Variants in RTL4 observed in about 807,000 individuals in gnomAD.
RTL4 encodes retrotransposon Gag like 4, also known as retrotransposon Gag-like protein 4.
In RTL4, 4 loss-of-function variants were observed where a neutral mutation model predicts 5.3. The ratio of observed to expected loss-of-function variants is 0.75; its 90% confidence interval spans 0.37 to 1.72. The LOEUF is 1.72. Among genes scored for constraint, RTL4 ranks in the 40% most tolerant of loss-of-function variants. The probability of loss-of-function intolerance (pLI) is 0.04; values close to 1 mark genes in which losing one functional copy is unlikely to be tolerated. For missense variants in RTL4, 260 were observed against 227.1 expected, an observed-to-expected ratio of 1.14 and a Z score of -0.93; for synonymous variants, 98 against 87.3, an observed-to-expected ratio of 1.12 and a Z score of -0.68.
chrX:112,151,157 G>C, the RTL4 span, among the ~76,000 whole-genome samples: 1 of 112,220 alleles, frequency 8.9e-6, no homozygotes, highest in Non-Finnish European at 1.9e-5. Flanking sequence ...CCAGGTTCAG[G>C]CACACAAGAC....
At chrX:112,344,495 G>T in the RTL4 span, among the ~76,000 whole-genome samples, 1 of 111,263 alleles carries the variant, frequency 9.0e-6, no homozygotes, top group Non-Finnish European at 1.9e-5. Context: ...GCAAAAGGAA[G>T]AGCACAAAGG....
chrX:112,432,969 C>A, the RTL4 span, among the ~76,000 whole-genome samples: 2 of 111,255 alleles, frequency 1.8e-5, no homozygotes, highest in Admixed American at 9.5e-5. Flanking sequence ...GTTTTCCCAG[C>A]ACCATTTATT....
At chrX:112,191,812 T>C in the RTL4 span, among the ~76,000 whole-genome samples, 3 of 111,836 alleles carry the variant, frequency 2.7e-5, no homozygotes, top group Non-Finnish European at 5.6e-5. Context: ...GCAAACTTTA[T>C]CGAATCTGTA....
the RTL4 span, among the ~76,000 whole-genome samples, chrX:112,306,116 T>A: frequency 1.8e-5 from 2 of 111,602 alleles, no homozygotes; most frequent in South Asian, 7.6e-4. Flanking sequence ...CAAGTGTCAC[T>A]TGAGAGAGGA....
At chrX:112,117,672 G>GTC in the RTL4 span, among the ~76,000 whole-genome samples, 1 of 111,573 alleles carries the variant, frequency 9.0e-6, no homozygotes, top group Non-Finnish European at 1.9e-5. Flanking sequence ...AAAGAGAACA[G>GTC]CAGTATGTAG....
the RTL4 span, among the ~76,000 whole-genome samples, chrX:112,308,212 C>G: frequency 9.0e-6 from 1 of 111,053 alleles, no homozygotes; most frequent in Non-Finnish European, 1.9e-5. Flanking sequence ...AATCTACTAC[C>G]TAGCTGGAGG....
the RTL4 span, among the ~76,000 whole-genome samples, chrX:112,401,069 C>T: frequency 4.5e-5 from 5 of 112,088 alleles, no homozygotes; most frequent in South Asian, 3.7e-4. Context: ...CATTGTCTGA[C>T]GTCAAATATC....
chrX:112,291,606 C>CT, the RTL4 span, among the ~76,000 whole-genome samples: 43 of 105,613 alleles, frequency 4.1e-4, no homozygotes, highest in East Asian at 4.8e-3. Flanking sequence ...CCCTCTAGTT[C>CT]TTTTTTTTTT....
the RTL4 span, among the ~76,000 whole-genome samples, chrX:112,125,060 C>A: frequency 9.3e-6 from 1 of 107,429 alleles, no homozygotes; most frequent in Non-Finnish European, 1.9e-5. Context: ...GCCACCACAC[C>A]TGGCTAATTT....
the RTL4 span, among the ~76,000 whole-genome samples, chrX:112,230,220 G>C: frequency 8.9e-6 from 1 of 111,782 alleles, no homozygotes; most frequent in Non-Finnish European, 1.9e-5. Flanking sequence ...ACTCAAGCCT[G>C]AGCAATGGTG....
At chrX:112,367,203 A>C in the RTL4 span, among the ~76,000 whole-genome samples, 1 of 111,710 alleles carries the variant, frequency 9.0e-6, no homozygotes, top group Non-Finnish European at 1.9e-5. Flanking sequence ...GCAGATTAGA[A>C]GCAGAAAAAT....
At chrX:112,171,797 T>C in the RTL4 span, among the ~76,000 whole-genome samples, 1 of 112,147 alleles carries the variant, frequency 8.9e-6, no homozygotes, top group Non-Finnish European at 1.9e-5. Flanking sequence ...GACATAGGCA[T>C]GGGCAAAGAT....
chrX:112,305,868 G>T, the RTL4 span, among the ~76,000 whole-genome samples: 1 of 111,588 alleles, frequency 9.0e-6, no homozygotes, highest in Non-Finnish European at 1.9e-5. Flanking sequence ...GTTTGGTTTT[G>T]GTGGCCAGCT....
the RTL4 span, among the ~76,000 whole-genome samples, chrX:112,290,300 A>G: frequency 2.7e-5 from 3 of 112,031 alleles, no homozygotes; most frequent in African/African-American, 9.7e-5. Context: ...TCGTCTTCAG[A>G]GAAGGAAGCC....
chrX:112,449,139 A>G, the RTL4 span, among the ~76,000 whole-genome samples: 674 of 112,065 alleles, frequency 6.0e-3, 7 homozygotes, highest in African/African-American at 0.021. Flanking sequence ...ATTGACCCTC[A>G]GCTGGGCTGC....
the RTL4 span, among the ~76,000 whole-genome samples, chrX:112,238,691 T>A: frequency 4.5e-5 from 5 of 111,603 alleles, no homozygotes; most frequent in African/African-American, 1.6e-4. Context: ...AGTGATTTTT[T>A]ATTTTTTTTT....
At chrX:112,361,096 C>T in the RTL4 span, among the ~76,000 whole-genome samples, 10 of 111,900 alleles carry the variant, frequency 8.9e-5, no homozygotes, top group Admixed American at 1.9e-4. Context: ...AACACATACA[C>T]ACACACACAA....
the RTL4 span, among the ~76,000 whole-genome samples, chrX:112,327,942 A>C: frequency 1.4e-4 from 15 of 108,961 alleles, no homozygotes; most frequent in Admixed American, 1.1e-3. Flanking sequence ...AATACTTTAC[A>C]GACAAGCAAA....
At chrX:112,402,401 TGTGTGTGTG>T in the RTL4 span, among the ~76,000 whole-genome samples, 1 of 9,311 alleles carries the variant, frequency 1.1e-4, no homozygotes, top group African/African-American at 3.8e-4. Context: ...GAATTATTAT[TGTGTGTGTG>T]TGTGTGTGTG....
Sources: allele counts gnomAD v4.1 joint callset (sites outside exome capture counted in the v4.1 genomes callset), GRCh38; gene constraint gnomAD v4.1.1; transcripts MANE v1.5; gene names NCBI Gene and HGNC (gene_info 2026-07-23, HGNC 2026-07-21).